The following CLNS1A variants were observed in gnomAD, a reference collection of about 807,000 sequenced individuals.
CLNS1A encodes the protein methylosome subunit pICln.
CLNS1A carries 16 observed loss-of-function variants against 29.4 expected under a neutral mutation model. The observed-to-expected ratio is 0.54, with a 90% confidence interval of 0.37 to 0.83. The LOEUF is 0.83. Ranked by LOEUF, CLNS1A falls within the 40% of genes least tolerant of loss-of-function variation. The pLI is 0.00. For missense variants in CLNS1A, 235 were observed against 287.4 expected (o/e 0.82, Z 1.32); for synonymous variants, 96 against 104.8 (o/e 0.92, Z 0.51).
In CLNS1A at chr11:77,625,715, AC is replaced by A. The variant is rs1959010639; in HGVS notation, c.364+1del. 5 of 1,609,662 alleles carry A rather than the reference AC, an allele frequency of 3.1e-6. No homozygotes were observed. Among genetic ancestry groups the A allele is most frequent in the Non-Finnish European group, 4.2e-6 (5 of 1,178,300 alleles). On this transcript the variant is annotated splice_donor_variant, in intron 3 of 6. Coordinates refer to ENST00000525428, the MANE Select transcript of CLNS1A (RefSeq NM_001293.3). LOFTEE classifies it high-confidence loss of function. ...GAAGAATCAATACTGTAGAACACTC[AC>A]ACGCTGATTTATCACTAGGCACAAA...
chr11:77,629,933 A>G, intron 1 of CLNS1A, 34 bp from the exon 2 acceptor site: 1 of 1,609,296 alleles, frequency 6.2e-7, no homozygotes. Context: ...TTATTTTTAG[A>G]AAGTAAATCC....
At chr11:77,633,344 T>C (rs1959093514) in intron 1 of CLNS1A, among the ~76,000 whole-genome samples, 1 of 152,202 alleles carries the variant, frequency 6.6e-6, no homozygotes, top group Non-Finnish European at 1.5e-5. Flanking sequence ...TAGAGAAACA[T>C]AAAAGATTTC....
At chr11:77,624,593 G>A (rs1429927761) in intron 4 of CLNS1A, among the ~76,000 whole-genome samples, 1 of 152,164 alleles carries the variant, frequency 6.6e-6, no homozygotes, top group East Asian at 1.9e-4. Context: ...GCCGAGGCAG[G>A]CGGATCACCT....
intron 5 of CLNS1A, 30 bp from the exon 6 acceptor site, chr11:77,619,725 C>T: frequency 6.9e-7 from 1 of 1,447,900 alleles, no homozygotes; most frequent in Non-Finnish European, 9.7e-7. Context: ...ACTGAGCAAT[C>T]CCTATGAACA....
At chr11:77,619,373 A>C (rs1958934542) in intron 6 of CLNS1A, 1 of 433,398 alleles carries the variant, frequency 2.3e-6, no homozygotes, top group Non-Finnish European at 4.2e-6. Flanking sequence ...TCTACGTAAA[A>C]TTTTAAAATA....
chr11:77,631,756 G>C (rs562638165), intron 1 of CLNS1A, among the ~76,000 whole-genome samples: 1 of 149,560 alleles, frequency 6.7e-6, no homozygotes, highest in South Asian at 2.1e-4. Flanking sequence ...TTGTTTTTTT[G>C]AGATGAAGTC....
chr11:77,620,558 G>A (rs763539082), intron 5 of CLNS1A, among the ~76,000 whole-genome samples: 45 of 152,162 alleles, frequency 3.0e-4, no homozygotes, highest in Non-Finnish European at 8.8e-5. Flanking sequence ...CAGCACTTTG[G>A]GAGGCCAAGG....
At chr11:77,623,435 GT>G (rs945980410) in intron 4 of CLNS1A, among the ~76,000 whole-genome samples, 1 of 151,346 alleles carries the variant, frequency 6.6e-6, no homozygotes, top group Non-Finnish European at 1.5e-5. Context: ...CCAAAAAAAT[GT>G]TTTTTTTAAT....
chr11:77,623,331 T>C (rs541750966), intron 4 of CLNS1A, among the ~76,000 whole-genome samples: 1 of 152,300 alleles, frequency 6.6e-6, no homozygotes, highest in African/African-American at 2.4e-5. Flanking sequence ...GGCTGACGTT[T>C]GTAATCCCAG....
rs1338949016 is a variant in CLNS1A at position 77,622,572 on chromosome 11, G to A, written c.574C>T (p.Leu192Phe). The A allele has an allele frequency of 6.2e-7, 1 of 1,613,766 alleles. No homozygotes were observed. Among genetic ancestry groups the A allele is most frequent in the Non-Finnish European group, 8.5e-7 (1 of 1,179,878 alleles). The stretch of plus-strand genomic sequence containing the variant: ...TACTGGCTGCTCACAGACTGAGAAA[G>A]CATTCCTTCTAATCTCTCCAGTGTG... ...QATLERLEGM[L>F]SQSVSSQYNM... The change falls in exon 5 of 7, where the codon CTT (leucine) becomes TTT (phenylalanine). Residue 192 changes from leucine (L) to phenylalanine (F), a missense_variant. Coordinates refer to ENST00000525428, the MANE Select transcript of CLNS1A (RefSeq NM_001293.3).
At chr11:77,628,289 GTTTCGCA>G (rs1453867563) in intron 2 of CLNS1A, among the ~76,000 whole-genome samples, 6 of 152,334 alleles carry the variant, frequency 3.9e-5, no homozygotes, top group Admixed American at 3.3e-4. Context: ...CAAGAGCAAG[GTTTCGCA>G]TTTCTGCAAA....
intron 1 of CLNS1A, among the ~76,000 whole-genome samples, chr11:77,632,589 C>T (rs897344892): frequency 6.6e-6 from 1 of 151,718 alleles, no homozygotes; most frequent in Admixed American, 6.6e-5. Flanking sequence ...CCAAGTTCCA[C>T]ACTTAAAAAC....
chr11:77,619,126 G>GT (rs1410717140), intron 6 of CLNS1A, among the ~76,000 whole-genome samples: 1 of 152,206 alleles, frequency 6.6e-6, no homozygotes, highest in Non-Finnish European at 1.5e-5. Context: ...CTAACATATA[G>GT]TTGAAATACT....
rs538621609 is a variant in CLNS1A at position 77,614,732 on chromosome 11, G to C, written c.*1986C>G. ...CCCTAGCTTTTAGGAACATTTAGAT[G>C]ACTTACATTTTGGAGGGGAAATGTC... On this transcript the variant is annotated 3_prime_UTR_variant, in exon 7 of 7. Coordinates refer to ENST00000525428, the MANE Select transcript of CLNS1A (RefSeq NM_001293.3). 1 of 152,288 alleles carries C rather than the reference G, an allele frequency of 6.6e-6. No homozygotes were observed. Among genetic ancestry groups the C allele is most frequent in the African/African-American group, 2.4e-5 (1 of 41,558 alleles). The allele number at this position is 152,288 out of a possible 1,614,324, so 9.4% of individuals were successfully genotyped here. A position where few individuals can be genotyped will look rare whatever the true frequency, so the allele number is the denominator to read the frequency against.
intron 5 of CLNS1A, 33 bp downstream of exon 5, chr11:77,622,467 A>T: frequency 6.6e-7 from 1 of 1,524,106 alleles, no homozygotes; most frequent in Non-Finnish European, 8.8e-7. Flanking sequence ...CCAAGTGCTC[A>T]TCTGACTGTT....
intron 6 of CLNS1A, among the ~76,000 whole-genome samples, chr11:77,617,376 A>AAG (rs2135757506): frequency 1.4e-5 from 2 of 139,244 alleles, no homozygotes; most frequent in South Asian, 4.3e-4. Context: ...TCAAAAAAAA[A>AAG]AAAAAAAAAA....
chr11:77,616,257 AAACTAACCT>A lies in CLNS1A; in HGVS notation c.*452_*460del, dbSNP rs1269498918. On this transcript the variant is annotated 3_prime_UTR_variant, in exon 7 of 7. Transcript: ENST00000525428. ...CCCAGACTCACTTGTTCTGTTACAGAAACTAACCTAAAAGGCTGGAAATTAAAGGATACA... is the reference window on the plus strand; with the variant it reads ...CCCAGACTCACTTGTTCTGTTACAGAAAAAGGCTGGAAATTAAAGGATACA... The A allele has an allele frequency of 6.6e-6, 1 of 152,246 alleles. No homozygotes were observed. The highest frequency in any genetic ancestry group is 2.4e-5 in the African/African-American group (1 of 41,472). The allele number at this position is 152,246 out of a possible 1,614,324, so 9.4% of individuals were successfully genotyped here.
At chr11:77,625,693 GA>G (rs920006593) in intron 3 of CLNS1A, 23 bp downstream of exon 3, 1 of 1,593,230 alleles carries the variant, frequency 6.3e-7, no homozygotes, top group African/African-American at 1.3e-5. Context: ...AAAAGGGGAA[GA>G]ATCAATACTG....
intron 5 of CLNS1A, among the ~76,000 whole-genome samples, chr11:77,620,811 G>A (rs1006925953): frequency 6.6e-5 from 10 of 151,464 alleles, no homozygotes; most frequent in Admixed American, 4.6e-4. Context: ...GTGAAACCCC[G>A]CCTCTACTAA....
Sources: gnomAD v4.1 joint callset for allele counts (sites outside exome capture counted in the v4.1 genomes callset) on GRCh38, gnomAD v4.1.1 for gene constraint, MANE v1.5 for transcripts, NCBI Gene and HGNC (gene_info 2026-07-23, HGNC 2026-07-21) for gene names.